Variants in KLHL3 observed in about 807,000 individuals in gnomAD.
The protein encoded by KLHL3 is kelch-like protein 3.
Under a neutral mutation model 70.5 loss-of-function variants are expected in KLHL3, and 19 were observed. That is an observed-to-expected ratio of 0.27 (90% CI 0.19 to 0.40). KLHL3 has a LOEUF of 0.40. Among genes scored for constraint, KLHL3 ranks in the 10% least tolerant of loss-of-function variants. The pLI, the probability that KLHL3 is intolerant of heterozygous loss-of-function variation, is 1.00. For missense variants in KLHL3, 512 were observed against 771.1 expected (o/e 0.66, Z 3.98); for synonymous variants, 258 against 290.3 (o/e 0.89, Z 1.13).
At chr5:137,692,853 C>CAA (rs1246446221) in intron 4 of KLHL3, among the ~76,000 whole-genome samples, 6 of 151,350 alleles carry the variant, frequency 4.0e-5, no homozygotes, top group Non-Finnish European at 8.8e-5. Context: ...CACACACACA[C>CAA]AATGGTTCTC....
At chr5:137,631,041 C>A (rs1221293232) in intron 12 of KLHL3, among the ~76,000 whole-genome samples, 1 of 120,314 alleles carries the variant, frequency 8.3e-6, no homozygotes, top group Non-Finnish European at 1.6e-5. Context: ...TACTATAAAA[C>A]GAGATCACAA....
At position 137,619,497 on chromosome 5, in the gene KLHL3, A is replaced by T. The variant is rs1279270072; in HGVS notation, c.*2601T>A. The T allele has an allele frequency of 6.5e-6, 1 of 152,700 alleles. No homozygotes were observed. Among genetic ancestry groups the T allele is most frequent in the East Asian group, 1.9e-4 (1 of 5,204 alleles). The allele number at this position is 152,700 out of a possible 1,614,324, so 9.5% of individuals were successfully genotyped here. A position where few individuals can be genotyped will look rare whatever the true frequency, so the allele number is the denominator to read the frequency against. On this transcript the variant is annotated 3_prime_UTR_variant, in exon 15 of 15. Coordinates refer to ENST00000309755, the MANE Select transcript of KLHL3 (RefSeq NM_017415.3). ...CACTGGCAAAGCTGCATTCACAAGC[A>T]GCCGTGGCCACCCTAAGTGGGGCAG... is the stretch of plus-strand genomic sequence containing the variant.
intron 3 of KLHL3, among the ~76,000 whole-genome samples, chr5:137,700,661 G>T (rs1752548434): frequency 6.6e-6 from 1 of 152,092 alleles, no homozygotes; most frequent in Non-Finnish European, 1.5e-5. Context: ...AGGTCTTTAG[G>T]AGACTTCTCC....
chr5:137,695,701 C>T (rs1014552828), intron 4 of KLHL3, among the ~76,000 whole-genome samples: 2 of 152,186 alleles, frequency 1.3e-5, no homozygotes, highest in Admixed American at 6.5e-5. Flanking sequence ...ATCAACAGGG[C>T]TTTGAGAGGA....
At chr5:137,642,498 G>T (rs1460460187) in intron 8 of KLHL3, among the ~76,000 whole-genome samples, 2 of 152,212 alleles carry the variant, frequency 1.3e-5, no homozygotes, top group Non-Finnish European at 2.9e-5. Context: ...TCTAGACAGT[G>T]AGCCCTGCCC....
chr5:137,655,846 C>G (rs1751326758), intron 8 of KLHL3, among the ~76,000 whole-genome samples: 1 of 151,710 alleles, frequency 6.6e-6, no homozygotes, highest in Non-Finnish European at 1.5e-5. Context: ...AAAAAATTAG[C>G]TGGGTGTGTT....
At chr5:137,627,220 T>A (rs927326985) in intron 13 of KLHL3, among the ~76,000 whole-genome samples, 7 of 152,196 alleles carry the variant, frequency 4.6e-5, no homozygotes, top group African/African-American at 1.7e-4. Flanking sequence ...AAGACGTTCA[T>A]GAGAGATTGT....
intron 12 of KLHL3, 36 bp downstream of exon 12, chr5:137,634,001 A>G: frequency 6.2e-7 from 1 of 1,613,816 alleles, no homozygotes; most frequent in Non-Finnish European, 8.5e-7. Context: ...TTGTGAGCAA[A>G]TCAGACACAG....
At chr5:137,665,878 G>A (rs1751602717) in intron 6 of KLHL3, among the ~76,000 whole-genome samples, 1 of 152,136 alleles carries the variant, frequency 6.6e-6, no homozygotes, top group Admixed American at 6.5e-5. Context: ...GGAAGGGAAA[G>A]GGAAAGGAAG....
At chr5:137,653,255 A>C (rs1411188654) in intron 8 of KLHL3, among the ~76,000 whole-genome samples, 1 of 152,140 alleles carries the variant, frequency 6.6e-6, no homozygotes, top group Non-Finnish European at 1.5e-5. Context: ...GTCTCAAAAA[A>C]AAAATAATAA....
intron 7 of KLHL3, among the ~76,000 whole-genome samples, chr5:137,659,138 G>T (rs999482857): frequency 6.6e-6 from 1 of 152,192 alleles, no homozygotes; most frequent in African/African-American, 2.4e-5. Context: ...TTTGTGTTAG[G>T]AAAGATCAAT....
At chr5:137,664,109 T>C (rs999547984) in intron 6 of KLHL3, among the ~76,000 whole-genome samples, 1 of 152,150 alleles carries the variant, frequency 6.6e-6, no homozygotes, top group African/African-American at 2.4e-5. Context: ...CCCAACATTT[T>C]GGGAGGCCAA....
intron 2 of KLHL3, among the ~76,000 whole-genome samples, chr5:137,719,729 T>A (rs1580785575): frequency 6.6e-6 from 1 of 152,222 alleles, no homozygotes; most frequent in African/African-American, 2.4e-5. Context: ...GATGTGGCTG[T>A]CTTGCCAACC....
chr5:137,701,978 A>G (rs1366582166), intron 3 of KLHL3, among the ~76,000 whole-genome samples: 2 of 152,224 alleles, frequency 1.3e-5, no homozygotes, highest in African/African-American at 4.8e-5. Flanking sequence ...CAAAGAGAAC[A>G]TGATTCTCTC....
intron 6 of KLHL3, among the ~76,000 whole-genome samples, chr5:137,666,451 T>C (rs543204984): frequency 2.0e-5 from 3 of 152,338 alleles, no homozygotes; most frequent in South Asian, 4.1e-4. Context: ...CAATGCTGCC[T>C]AGCACAACAC....
chr5:137,632,464 A>T (rs1467956921), intron 12 of KLHL3, among the ~76,000 whole-genome samples: 1 of 152,172 alleles, frequency 6.6e-6, no homozygotes, highest in Non-Finnish European at 1.5e-5. Context: ...ATACAGAAAA[A>T]TGAAACTAGA....
chr5:137,624,136 A>G (rs1750392098), intron 14 of KLHL3, among the ~76,000 whole-genome samples: 2 of 152,208 alleles, frequency 1.3e-5, no homozygotes, highest in South Asian at 4.1e-4. Flanking sequence ...GTTTTTTGCT[A>G]TTACAAGTAA....
rs138378696 is a variant in KLHL3, at chr5:137,691,072, C to A, written c.526+1213G>T. The stretch of plus-strand genomic sequence containing the variant: ...CTGAATATAAATGTTCATTTCTACT[C>A]CCTCCCAAAACCCCATTAAAATAAT... On this transcript the variant is annotated intron_variant, in intron 5 of 14. Coordinates refer to ENST00000309755, the MANE Select transcript of KLHL3 (RefSeq NM_017415.3). Among the ~76,000 whole-genome samples the A allele has an allele frequency of 6.4e-3, 978 of 152,266 alleles. 10 individuals are homozygous for A. Among genetic ancestry groups the A allele is most frequent in the Middle Eastern group, 0.02 (6 of 294 alleles).
intron 2 of KLHL3, among the ~76,000 whole-genome samples, chr5:137,714,695 T>C (rs1201710214): frequency 6.6e-6 from 1 of 152,172 alleles, no homozygotes; most frequent in Non-Finnish European, 1.5e-5. Context: ...TTTAGGGTGA[T>C]GAAAATATTC....
Sources: gnomAD v4.1 joint callset for allele counts (sites outside exome capture counted in the v4.1 genomes callset) on GRCh38, gnomAD v4.1.1 for gene constraint, MANE v1.5 for transcripts, NCBI Gene and HGNC (gene_info 2026-07-23, HGNC 2026-07-21) for gene names.